The following PNLIPRP1 variants were observed in gnomAD, a reference collection of about 807,000 sequenced individuals.
PNLIPRP1 encodes the protein inactive pancreatic lipase-related protein 1.
In PNLIPRP1, 57 loss-of-function variants were observed where a neutral mutation model predicts 54.6. The ratio of observed to expected loss-of-function variants is 1.04; its 90% CI spans 0.84 to 1.30. The LOEUF is 1.30. Among genes scored for constraint, PNLIPRP1 ranks in the 50% most tolerant of loss-of-function variants. The pLI is 0.00. For missense variants in PNLIPRP1, 567 were observed against 568.5 expected (o/e 1.00, Z 0.03); for synonymous variants, 232 against 208.8 (o/e 1.11, Z -0.96).
chr10:116,594,679 G>T (rs781792949), intron 4 of PNLIPRP1, 51 bp from the exon 5 acceptor site: 338 of 1,608,768 alleles, frequency 2.1e-4, no homozygotes, highest in Non-Finnish European at 2.7e-4. Context: ...GCTGGATAAG[G>T]TTTCCCCTGC....
At chr10:116,600,918 G>C (rs1554864678) in intron 9 of PNLIPRP1, among the ~76,000 whole-genome samples, 154 bp from the exon 10 acceptor site, 1 of 152,210 alleles carries the variant, frequency 6.6e-6, no homozygotes, top group African/African-American at 2.4e-5. Context: ...CCCTGATCCA[G>C]ATGAAGGTAA....
rs781839678 is a variant in PNLIPRP1, at chr10:116,591,753, T to A, written c.50-18T>A. ...CCTTGAGAGCAAATCCTTGAGCAGATTCAACCTTTCTCTGTAGGAAAAGAA... is the reference window on the plus strand; with the variant it reads ...CCTTGAGAGCAAATCCTTGAGCAGAATCAACCTTTCTCTGTAGGAAAAGAA... On this transcript the variant is annotated intron_variant, in intron 2 of 12. Transcript: ENST00000358834. The A allele has an allele frequency of 9.9e-6, 16 of 1,613,712 alleles. No individual in the cohort carries two copies. Among genetic ancestry groups the A allele is most frequent in the Non-Finnish European group, 1.3e-5 (15 of 1,179,822 alleles).
intron 12 of PNLIPRP1, among the ~76,000 whole-genome samples, chr10:116,607,596 C>T (rs1467802663): frequency 2.6e-5 from 4 of 151,966 alleles, no homozygotes; most frequent in Non-Finnish European, 5.9e-5. Flanking sequence ...GGAATATGAT[C>T]GGAGGCCTCC....
intron 11 of PNLIPRP1, 126 bp downstream of exon 11, chr10:116,604,264 TAAC>T (rs1190718288): frequency 7.5e-6 from 4 of 532,890 alleles, no homozygotes; most frequent in South Asian, 2.8e-5. Flanking sequence ...ATGCAACATG[TAAC>T]AACATTTTAG....
At chr10:116,592,840 A>G in intron 4 of PNLIPRP1, 1 of 400,950 alleles carries the variant, frequency 2.5e-6, no homozygotes. Flanking sequence ...GCGAGGGACT[A>G]TAGGGGTTTC....
chr10:116,604,118 T>C lies in PNLIPRP1; in HGVS notation c.1152T>C (p.Thr384=), dbSNP rs1847896666. ...KVALFGNKGN[T]HQYSIFRGIL... ...CTTTGTTTGGAAATAAGGGAAACAC[T>C]CACCAGTACAGTATCTTCAGGTAAT... The change falls in exon 11 of 13, where the codon ACT becomes ACC. Residue 384 remains threonine (T), a synonymous_variant. Coordinates refer to ENST00000358834, the MANE Select transcript of PNLIPRP1 (RefSeq NM_006229.4). 2 of 1,601,838 alleles carry C rather than the reference T, an allele frequency of 1.2e-6. No individual in the cohort carries two copies. Among genetic ancestry groups the C allele is most frequent in the Non-Finnish European group, 1.7e-6 (2 of 1,168,884 alleles).
chr10:116,599,653 A>G (rs1451087908), intron 8 of PNLIPRP1, among the ~76,000 whole-genome samples: 4 of 152,150 alleles, frequency 2.6e-5, no homozygotes, highest in Admixed American at 2.0e-4. Flanking sequence ...GATGGCACTA[A>G]GGTTAGAGGG....
At position 116,601,212 on chromosome 10, in the gene PNLIPRP1, C is replaced by A. The variant is rs782772586; in HGVS notation, c.1063+11C>A. On this transcript the variant is annotated intron_variant, in intron 10 of 12. Coordinates refer to ENST00000358834, the MANE Select transcript of PNLIPRP1 (RefSeq NM_006229.4). Reference sequence around the variant, plus strand: ...CTAGCAATTTCGCTCGTAAGTTGCACTTTGACTACCTGCCCATGTAAAGAA... The same window carrying A: ...CTAGCAATTTCGCTCGTAAGTTGCAATTTGACTACCTGCCCATGTAAAGAA... 1 of 1,609,346 alleles carries A rather than the reference C, an allele frequency of 6.2e-7. No individual in the cohort carries two copies. The highest frequency in any genetic ancestry group is 1.1e-5 in the South Asian group (1 of 90,058).
intron 2 of PNLIPRP1, among the ~76,000 whole-genome samples, chr10:116,591,467 A>T (rs1847634744): frequency 6.6e-6 from 1 of 152,238 alleles, no homozygotes; most frequent in Non-Finnish European, 1.5e-5. Flanking sequence ...AATGCCCATG[A>T]TCACATTGGT....
At chr10:116,592,368 T>C (rs1554863318) in intron 3 of PNLIPRP1, 48 bp from the exon 4 acceptor site, 1 of 1,543,858 alleles carries the variant, frequency 6.5e-7, no homozygotes, top group Non-Finnish European at 8.7e-7. Context: ...GAAAAAGGCC[T>C]GTGAGGCTGG....
rs782108929 is a variant in PNLIPRP1, at chr10:116,596,231, C to G, written c.483C>G (p.Pro161=). The G allele has an allele frequency of 5.1e-5, 83 of 1,612,080 alleles. No homozygotes were observed. The Admixed American group carries it at 5.7e-4, about 11-fold the overall frequency. The change falls in exon 6 of 13, where the codon CCC becomes CCG. Residue 161 remains proline, a synonymous_variant. Coordinates refer to ENST00000358834, the MANE Select transcript of PNLIPRP1 (RefSeq NM_006229.4). ...LDILLTEYSY[P]PSKVHLIGHS... ...CTCTCCAGACAGAGTATAGCTACCC[C>G]CCTTCCAAAGTTCACCTCATTGGCC...
chr10:116,602,323 CTG>C (rs1434869223), intron 10 of PNLIPRP1, among the ~76,000 whole-genome samples: 3 of 141,654 alleles, frequency 2.1e-5, no homozygotes, highest in Non-Finnish European at 4.7e-5. Flanking sequence ...CCGGCCCACT[CTG>C]TGTATTTTTT....
intron 8 of PNLIPRP1, 57 bp downstream of exon 8, chr10:116,598,223 A>G: frequency 1.4e-6 from 2 of 1,462,626 alleles, no homozygotes; most frequent in South Asian, 1.3e-5. Context: ...AGTGACCAAT[A>G]CCTTTCTGCA....
Position 116,602,240 on chromosome 10 carries a change from C to T in PNLIPRP1, c.1063+1039C>T, listed in dbSNP as rs1051847863. ...TTCACCATGTTAGCCAGGATGGTCTCGATCTCCTGACCTTGTGATCCGCCT... is the reference window on the plus strand; with the variant it reads ...TTCACCATGTTAGCCAGGATGGTCTTGATCTCCTGACCTTGTGATCCGCCT... On this transcript the variant is annotated intron_variant, in intron 10 of 12. Coordinates refer to ENST00000358834, the MANE Select transcript of PNLIPRP1 (RefSeq NM_006229.4). Among the ~76,000 whole-genome samples, 9 of 152,056 alleles carry T rather than the reference C, an allele frequency of 5.9e-5. No individual in the cohort carries two copies. The South Asian group carries it at 6.2e-4, about 10-fold the overall frequency.
chr10:116,596,639 GT>G (rs1397326910), intron 6 of PNLIPRP1, among the ~76,000 whole-genome samples: 1 of 152,116 alleles, frequency 6.6e-6, no homozygotes, highest in Non-Finnish European at 1.5e-5. Context: ...AGTGAGACTA[GT>G]ATGAACATGA....
intron 10 of PNLIPRP1, among the ~76,000 whole-genome samples, chr10:116,601,791 C>A (rs2915760): frequency 1.3e-5 from 2 of 152,128 alleles, no homozygotes; most frequent in Non-Finnish European, 2.9e-5. Flanking sequence ...CCCCATGACA[C>A]TTCCATAGGA....
intron 11 of PNLIPRP1, 75 bp downstream of exon 11, chr10:116,604,213 C>A: frequency 1.3e-6 from 1 of 745,084 alleles, no homozygotes; most frequent in Non-Finnish European, 2.3e-6. Context: ...AATTTGAACA[C>A]TTATCATCTC....
Position 116,594,956 on chromosome 10 carries a change from A to G in PNLIPRP1, c.465+92A>G. The stretch of plus-strand genomic sequence containing the variant: ...GCAGCTGAGAGTTATGGATTAAAGA[A>G]GGACAAAGAATTGATATCCAGACCT... On this transcript the variant is annotated intron_variant, in intron 5 of 12. Coordinates refer to ENST00000358834, the MANE Select transcript of PNLIPRP1 (RefSeq NM_006229.4). The G allele has an allele frequency of 2.8e-6, 4 of 1,452,776 alleles. No homozygotes were observed. The South Asian group carries it at 5.0e-5, about 18-fold the overall frequency. 90.0% of individuals were successfully genotyped at this position (1,452,776 alleles called of 1,614,324 possible).
chr10:116,591,098 G>T (rs1205785910), intron 1 of PNLIPRP1, 32 bp from the exon 2 acceptor site: 1 of 1,599,408 alleles, frequency 6.3e-7, no homozygotes, highest in Non-Finnish European at 8.6e-7. Context: ...GCAATGCCCG[G>T]TGAGACTGAA....
Sources: gnomAD v4.1 joint callset for allele counts (sites outside exome capture counted in the v4.1 genomes callset) on GRCh38, gnomAD v4.1.1 for gene constraint, MANE v1.5 for transcripts, NCBI Gene and HGNC (gene_info 2026-07-23, HGNC 2026-07-21) for gene names.